The following SOX6 variants were observed in gnomAD, a reference collection of about 807,000 sequenced individuals.
SOX6 encodes the protein transcription factor SOX-6.
Under a neutral mutation model 97.8 loss-of-function variants are expected in SOX6, and 11 were observed. That is an observed-to-expected ratio of 0.11 (90% CI 0.07 to 0.19). The LOEUF (loss-of-function observed/expected upper bound fraction) is 0.19. Among genes scored for constraint, SOX6 ranks in the 10% least tolerant of loss-of-function variants. SOX6 has a pLI of 1.00. For synonymous variants in SOX6, 360 were observed against 371.4 expected, an observed-to-expected ratio of 0.97 and a Z score of 0.35; for missense variants, 810 against 1,039.5, an observed-to-expected ratio of 0.78 and a Z score of 3.04.
chr11:15,990,362 G>A (rs893591882), intron 13 of SOX6, among the ~76,000 whole-genome samples: 1 of 151,446 alleles, frequency 6.6e-6, no homozygotes, highest in Non-Finnish European at 1.5e-5. Context: ...GTTGTTTAAG[G>A]GTAGTTCTTT....
chr11:16,002,693 G>C (rs1401090213), intron 13 of SOX6, among the ~76,000 whole-genome samples: 1 of 152,114 alleles, frequency 6.6e-6, no homozygotes, highest in Non-Finnish European at 1.5e-5. Context: ...AAGTTTTCAG[G>C]ACAACTGGGC....
intron 15 of SOX6, among the ~76,000 whole-genome samples, chr11:15,983,259 C>T (rs943780969): frequency 3.9e-5 from 6 of 152,004 alleles, no homozygotes; most frequent in African/African-American, 1.2e-4. Context: ...ATTATTACAA[C>T]ATTCTGATAC....
chr11:16,213,042 G>C (rs1852270831), intron 4 of SOX6, among the ~76,000 whole-genome samples: 1 of 152,058 alleles, frequency 6.6e-6, no homozygotes. Context: ...GGTCATCTTT[G>C]TTAAAATCTC....
chr11:16,730,837 A>G (rs896210748), intron 2 of SOX6, among the ~76,000 whole-genome samples: 1 of 152,112 alleles, frequency 6.6e-6, no homozygotes, highest in African/African-American at 2.4e-5. Context: ...TCAACAAAAC[A>G]GATAGACCAC....
At chr11:16,697,657 G>C (rs904560299) in intron 3 of SOX6, among the ~76,000 whole-genome samples, 8 of 152,154 alleles carry the variant, frequency 5.3e-5, no homozygotes, top group African/African-American at 1.9e-4. Flanking sequence ...ATCCATTAAA[G>C]GATCACTATG....
At position 16,613,797 on chromosome 11, in the gene SOX6, C is replaced by G. The variant is rs1296913020; in HGVS notation, n.430-1537G>C. ...GAGGATGCCGGCGGTCAGGCTTGGC[C>G]GAGCTTTGTTTACGTGCCTAAGTCG... is the stretch of plus-strand genomic sequence containing the variant. On this transcript the variant is annotated intron_variant and non_coding_transcript_variant, in intron 3 of 5. Coordinates refer to the SOX6 transcript ENST00000524520. The surrounding 1 kb of genome is among the most constrained non-coding windows in gnomAD (Gnocchi z 4.6). 6.6e-6 allele frequency among the ~76,000 whole-genome samples: 1 copy of G among 152,174 alleles called. No individual in the cohort carries two copies. Among genetic ancestry groups the G allele is most frequent in the Non-Finnish European group, 1.5e-5 (1 of 68,038 alleles).
intron 1 of SOX6, among the ~76,000 whole-genome samples, chr11:16,425,443 G>A (rs1859106079): frequency 1.3e-5 from 2 of 152,200 alleles, no homozygotes; most frequent in East Asian, 1.9e-4. Flanking sequence ...CCTATTCAGC[G>A]TAGTATTGGA....
At chr11:16,127,231 G>A (rs1024066947) in intron 6 of SOX6, among the ~76,000 whole-genome samples, 1 of 151,858 alleles carries the variant, frequency 6.6e-6, no homozygotes, top group African/African-American at 2.4e-5. Flanking sequence ...CAACAACAAC[G>A]AAGGCTGCTA....
At chr11:16,678,890 G>A (rs919713751) in intron 3 of SOX6, among the ~76,000 whole-genome samples, 14 of 152,186 alleles carry the variant, frequency 9.2e-5, no homozygotes, top group African/African-American at 1.9e-4. Flanking sequence ...GCTGCAGATT[G>A]GTGGGGGGAG....
chr11:16,600,884 T>C (rs558345953), intron 4 of SOX6, among the ~76,000 whole-genome samples: 2 of 152,350 alleles, frequency 1.3e-5, no homozygotes, highest in East Asian at 3.9e-4. Context: ...AAGGATATGC[T>C]ACACATTTAA....
intron 4 of SOX6, among the ~76,000 whole-genome samples, chr11:16,191,844 TTTTTTTTTC>T (rs200516779): frequency 0.23 from 34,798 of 148,924 alleles, 4,235 homozygotes; most frequent in Middle Eastern, 0.4. Context: ...GCAGCAGGGT[TTTTTTTTTC>T]TTTTTTTTCT....
chr11:16,677,170 G>A (rs1481610484), intron 3 of SOX6, among the ~76,000 whole-genome samples: 1 of 152,094 alleles, frequency 6.6e-6, no homozygotes, highest in Non-Finnish European at 1.5e-5. Flanking sequence ...AGCCTTTTAT[G>A]TAATACTTCA....
intron 4 of SOX6, among the ~76,000 whole-genome samples, chr11:16,563,935 A>G (rs1847841613): frequency 6.6e-6 from 1 of 152,228 alleles, no homozygotes; most frequent in Non-Finnish European, 1.5e-5. Context: ...CATAGAAGCC[A>G]GAAAGAAGTG....
At chr11:16,118,399 G>A (rs1030102719) in intron 6 of SOX6, among the ~76,000 whole-genome samples, 1 of 152,242 alleles carries the variant, frequency 6.6e-6, no homozygotes, top group Non-Finnish European at 1.5e-5. Flanking sequence ...CAAGACAGCA[G>A]CAGATGTGTG....
chr11:16,549,876 A>G (rs1589981630), intron 4 of SOX6, among the ~76,000 whole-genome samples: 2 of 152,200 alleles, frequency 1.3e-5, no homozygotes, highest in East Asian at 3.9e-4. Flanking sequence ...TTCCACTTCT[A>G]TGACATTGTG....
intron 10 of SOX6, among the ~76,000 whole-genome samples, chr11:16,050,837 T>G (rs563411145): frequency 6.6e-6 from 1 of 152,298 alleles, no homozygotes; most frequent in South Asian, 2.1e-4. Flanking sequence ...ATGACCATAT[T>G]TATTTAAATG....
At chr11:16,244,035 T>C (rs1853268048) in intron 3 of SOX6, among the ~76,000 whole-genome samples, 1 of 151,976 alleles carries the variant, frequency 6.6e-6, no homozygotes, top group Non-Finnish European at 1.5e-5. Context: ...CCCTTAAAAA[T>C]TGAATTTCCT....
intron 13 of SOX6, among the ~76,000 whole-genome samples, chr11:16,014,258 G>A (rs187993020): frequency 3.9e-5 from 6 of 152,178 alleles, no homozygotes; most frequent in Non-Finnish European, 5.9e-5. Flanking sequence ...GAAAAGAAGC[G>A]AACAGGCATT....
At chr11:15,981,812 G>T (rs1227220755) in intron 15 of SOX6, among the ~76,000 whole-genome samples, 1 of 151,858 alleles carries the variant, frequency 6.6e-6, no homozygotes, top group Non-Finnish European at 1.5e-5. Flanking sequence ...ATATATACTT[G>T]GCACACAGTA....
Sources: gnomAD v4.1 joint callset for allele counts (sites outside exome capture counted in the v4.1 genomes callset) on GRCh38, gnomAD v4.1.1 for gene constraint, Gnocchi (gnomAD v3.1) non-coding constraint, MANE v1.5 for transcripts, NCBI Gene and HGNC (gene_info 2026-07-23, HGNC 2026-07-21) for gene names.